The following SCTR variants were observed in gnomAD, a reference collection of about 807,000 sequenced individuals.
SCTR encodes secretin receptor.
A neutral mutation model predicts 60.8 loss-of-function variants in SCTR; 56 were observed. The ratio of observed to expected loss-of-function variants is 0.92; its 90% CI spans 0.74 to 1.15. The LOEUF (loss-of-function observed/expected upper bound fraction) is 1.15. Ranked by LOEUF, SCTR falls within the 50% of genes most tolerant of loss-of-function variation. The pLI is 0.00. For missense variants in SCTR, 562 were observed against 550.4 expected (o/e 1.02, Z -0.21); for synonymous variants, 202 against 217.0 (o/e 0.93, Z 0.61).
chr2:119,502,026 T>C (rs1678570759), intron 1 of SCTR, among the ~76,000 whole-genome samples: 1 of 152,164 alleles, frequency 6.6e-6, no homozygotes, highest in South Asian at 2.1e-4. Flanking sequence ...GCGGCCAAGG[T>C]AGGTGGATTG....
intron 4 of SCTR, among the ~76,000 whole-genome samples, chr2:119,472,611 C>A (rs1230286458): frequency 6.6e-6 from 1 of 152,184 alleles, no homozygotes; most frequent in Non-Finnish European, 1.5e-5. Context: ...CTTATCAGAG[C>A]CGGGAGACTC....
intron 3 of SCTR, among the ~76,000 whole-genome samples, chr2:119,477,442 TTTG>T (rs1677379877): frequency 1.1e-5 from 1 of 94,510 alleles, no homozygotes; most frequent in African/African-American, 3.8e-5. Context: ...ACGTTTTTTG[TTTG>T]TTTGTTTGTT....
chr2:119,495,217 C>A lies in SCTR; in HGVS notation c.73-669G>T, dbSNP rs191324602. ...ATGTTGCCCAGACTGGTATCAAACT[C>A]CTGGGATTATAGGCATGAGCCACTG... On this transcript the variant is annotated intron_variant, in intron 1 of 12. Transcript: ENST00000019103. Among the ~76,000 whole-genome samples the A allele has an allele frequency of 2.0e-4, 31 of 152,254 alleles. 2 individuals carry two copies. The highest frequency in any genetic ancestry group is 2.0e-3 in the Admixed American group (31 of 15,292).
chr2:119,441,968 G>A (rs925319937), intron 11 of SCTR, among the ~76,000 whole-genome samples: 2 of 152,220 alleles, frequency 1.3e-5, no homozygotes, highest in African/African-American at 4.8e-5. Flanking sequence ...TGCCCAGGGT[G>A]AGACCCTGGG....
intron 1 of SCTR, among the ~76,000 whole-genome samples, chr2:119,512,357 CT>C: frequency 1.6e-5 from 2 of 124,010 alleles, no homozygotes; most frequent in Non-Finnish European, 3.2e-5. Flanking sequence ...CCTTCTCCTT[CT>C]CCTTCTCCTT....
chr2:119,511,709 A>T (rs1477222961), intron 1 of SCTR, among the ~76,000 whole-genome samples: 2 of 151,986 alleles, frequency 1.3e-5, no homozygotes, highest in African/African-American at 4.8e-5. Flanking sequence ...CTGGGGTCTC[A>T]TTTCCTAGGT....
chr2:119,480,479 A>G (rs1013916894), intron 2 of SCTR, among the ~76,000 whole-genome samples: 2 of 152,194 alleles, frequency 1.3e-5, no homozygotes, highest in East Asian at 1.9e-4. Context: ...CCCATGACAC[A>G]TGGGAATTCT....
intron 1 of SCTR, among the ~76,000 whole-genome samples, chr2:119,503,075 T>G (rs982061004): frequency 7.0e-6 from 1 of 143,038 alleles, no homozygotes; most frequent in Non-Finnish European, 1.5e-5. Flanking sequence ...GGGAGAATGG[T>G]GTGAACCTGG....
chr2:119,444,903 A>G (rs1358983185), intron 11 of SCTR, among the ~76,000 whole-genome samples: 1 of 16,904 alleles, frequency 5.9e-5, no homozygotes, highest in Non-Finnish European at 1.0e-4. Context: ...ACGAATATAT[A>G]TACATATATT....
Position 119,524,337 on chromosome 2 carries a change from C to T in SCTR, c.-111G>A, listed in dbSNP as rs1026171877. On this transcript the variant is annotated 5_prime_UTR_variant, in exon 1 of 13. Transcript: ENST00000019103. The stretch of plus-strand genomic sequence containing the variant: ...TCCCGGGCTCCGGCCGGCCGCTGCG[C>T]CCCGAGGAGCCATGGCTGAGCCACC... 1.1e-5 allele frequency: 7 copies of T among 664,974 alleles called. No individual in the cohort carries two copies. The South Asian group carries it at 1.8e-4, about 17-fold the overall frequency. The allele number at this position is 664,974 out of a possible 1,614,324, so 41.2% of individuals were successfully genotyped here. A position where few individuals can be genotyped will look rare whatever the true frequency, so the allele number is the denominator to read the frequency against.
chr2:119,505,154 A>C (rs866778374), intron 1 of SCTR, among the ~76,000 whole-genome samples: 1 of 152,160 alleles, frequency 6.6e-6, no homozygotes, highest in African/African-American at 2.4e-5. Context: ...TAGAAATACC[A>C]TTTGACCCAG....
chr2:119,508,445 G>GT (rs1189488667), intron 1 of SCTR, among the ~76,000 whole-genome samples: 1 of 113,134 alleles, frequency 8.8e-6, no homozygotes, highest in African/African-American at 3.5e-5. Context: ...GAAGTGTAGT[G>GT]ATACAATCAT....
At chr2:119,494,033 C>T (rs994881454) in intron 2 of SCTR, among the ~76,000 whole-genome samples, 9 of 152,172 alleles carry the variant, frequency 5.9e-5, no homozygotes, top group Non-Finnish European at 1.0e-4. Context: ...AGCAGGCAGG[C>T]CACACTACTG....
At chr2:119,492,358 G>A (rs1199357208) in intron 2 of SCTR, among the ~76,000 whole-genome samples, 1 of 152,298 alleles carries the variant, frequency 6.6e-6, no homozygotes, top group South Asian at 2.1e-4. Flanking sequence ...AGCCGACAAC[G>A]CTTGTTTCTC....
chr2:119,521,477 A>C (rs989502528), intron 1 of SCTR, among the ~76,000 whole-genome samples: 3 of 152,154 alleles, frequency 2.0e-5, no homozygotes, highest in African/African-American at 7.2e-5. Flanking sequence ...ATGTGTTAGT[A>C]AATAATTACA....
intron 7 of SCTR, among the ~76,000 whole-genome samples, chr2:119,458,324 G>A (rs11887274): frequency 0.13 from 19,664 of 148,636 alleles, 1,624 homozygotes; most frequent in East Asian, 0.3. Context: ...AAAAAAAGCC[G>A]GGCGTGGTGG....
chr2:119,467,826 T>C (rs1017083463), intron 4 of SCTR, among the ~76,000 whole-genome samples: 1 of 152,214 alleles, frequency 6.6e-6, no homozygotes, highest in Non-Finnish European at 1.5e-5. Context: ...GACATGCTGA[T>C]ATATTATTAC....
At chr2:119,445,649 G>A (rs1264657282) in intron 11 of SCTR, among the ~76,000 whole-genome samples, 1 of 152,194 alleles carries the variant, frequency 6.6e-6, no homozygotes, top group East Asian at 1.9e-4. Flanking sequence ...TGGAAATGTC[G>A]TTAAGGACTA....
Position 119,464,135 on chromosome 2 carries a change from G to A in SCTR, c.624C>T (p.Cys208=), listed in dbSNP as rs141567872. 6,590 of 1,614,134 alleles carry A rather than the reference G, an allele frequency of 4.1e-3. 35 individuals are homozygous for A. Among genetic ancestry groups the A allele is most frequent in the Middle Eastern group, 0.027 (162 of 6,060 alleles). The part of the protein sequence containing the change: ...VLFSSDDVTY[C]DAHRAGCKLV... The stretch of plus-strand genomic sequence containing the variant: ...CCAGACATATTACCCTGTGGGCATC[G>A]CAGTAGGTGACATCATCTGAGGAGA... The change falls in exon 6 of 13, where the codon TGC becomes TGT. Residue 208 remains cysteine, a synonymous_variant. Coordinates refer to ENST00000019103, the MANE Select transcript of SCTR (RefSeq NM_002980.3).
Sources: allele counts gnomAD v4.1 joint callset (sites outside exome capture counted in the v4.1 genomes callset), GRCh38; gene constraint gnomAD v4.1.1; transcripts MANE v1.5; gene names NCBI Gene and HGNC (gene_info 2026-07-23, HGNC 2026-07-21).